Variants in MSRA observed in about 807,000 individuals in gnomAD.
The protein encoded by MSRA is mitochondrial peptide methionine sulfoxide reductase.
In MSRA, 54 loss-of-function variants were observed where a neutral mutation model predicts 31.3. That is an observed-to-expected ratio of 1.73 (90% confidence interval 1.39 to 2.17). The LOEUF (loss-of-function observed/expected upper bound fraction) is 2.17, where lower values mean the gene tolerates loss of function less well. MSRA is among the 30% of genes most tolerant of loss of function. MSRA has a pLI of 0.00. For synonymous variants in MSRA, 169 were observed against 116.5 expected, an observed-to-expected ratio of 1.45 and a Z score of -2.90; for missense variants, 507 against 300.9, an observed-to-expected ratio of 1.69 and a Z score of -5.07.
chr8:10,243,307 C>G (rs796182987), intron 2 of MSRA, among the ~76,000 whole-genome samples: 16 of 152,238 alleles, frequency 1.1e-4, no homozygotes, highest in Middle Eastern at 3.4e-3. Context: ...TCCTGGAGCT[C>G]TCGTGGTCAT....
Position 10,130,734 on chromosome 8 carries a change from A to G in MSRA, c.142+76076A>G, listed in dbSNP as rs1250423863. On this transcript the variant is annotated intron_variant, in intron 1 of 5. Transcript: ENST00000317173. The stretch of plus-strand genomic sequence containing the variant: ...TATTTCTCACAGTGCTTTTGAAGGC[A>G]TAGAAAGCAAATGACAATTCTGGCG... Among the ~76,000 whole-genome samples the G allele has an allele frequency of 3.3e-5, 5 of 152,234 alleles. No individual in the cohort carries two copies. In the East Asian group the frequency reaches 9.6e-4, roughly 29 times the overall value.
At chr8:10,080,448 G>T (rs1263491910) in intron 1 of MSRA, among the ~76,000 whole-genome samples, 1 of 152,026 alleles carries the variant, frequency 6.6e-6, no homozygotes, top group African/African-American at 2.4e-5. Flanking sequence ...AGGAGCCGAG[G>T]TTCTTTCCAC....
intron 2 of MSRA, among the ~76,000 whole-genome samples, chr8:10,229,168 C>T (rs1049687920): frequency 3.3e-5 from 5 of 152,320 alleles, no homozygotes; most frequent in African/African-American, 9.6e-5. Context: ...GACACACACT[C>T]ACCTGCCCTT....
At chr8:10,289,424 G>A (rs1216637593) in intron 3 of MSRA, among the ~76,000 whole-genome samples, 2 of 152,016 alleles carry the variant, frequency 1.3e-5, no homozygotes, top group Non-Finnish European at 1.5e-5. Context: ...TGGGGTACAT[G>A]AGCTGTTTTG....
chr8:10,282,350 A>G (rs930580319), intron 3 of MSRA, among the ~76,000 whole-genome samples: 7 of 152,226 alleles, frequency 4.6e-5, no homozygotes, highest in Admixed American at 1.3e-4. Context: ...TATTTTCATC[A>G]AGCTATTTTG....
intron 5 of MSRA, 76 bp downstream of exon 5, chr8:10,320,065 C>G: frequency 3.4e-6 from 3 of 875,236 alleles, no homozygotes; most frequent in Non-Finnish European, 5.3e-6. Context: ...AGAGGGCAGT[C>G]TGCTGCTTTT....
Position 10,192,627 on chromosome 8 carries a change from G to C in MSRA, c.143-15206G>C, listed in dbSNP as rs531712958. On this transcript the variant is annotated intron_variant, in intron 1 of 5. Transcript: ENST00000317173. The stretch of plus-strand genomic sequence containing the variant: ...AGATTTCTGTCTATAGTTAGTAGCT[G>C]AAAGGCTTAAGCAAGGATGGGAAAT... Among the ~76,000 whole-genome samples, 20 of 152,330 alleles carry C rather than the reference G, an allele frequency of 1.3e-4. No individual in the cohort carries two copies. The South Asian group carries it at 4.1e-3, about 32-fold the overall frequency.
intron 5 of MSRA, among the ~76,000 whole-genome samples, chr8:10,325,432 A>G (rs1478019181): frequency 6.6e-6 from 1 of 152,154 alleles, no homozygotes; most frequent in East Asian, 1.9e-4. Context: ...ATGCTAATCA[A>G]GCAGTTTTAA....
At chr8:10,250,839 T>A (rs1012743929) in intron 3 of MSRA, 10 of 210,648 alleles carry the variant, frequency 4.7e-5, no homozygotes, top group Middle Eastern at 1.6e-3. Context: ...GTTGGATTCT[T>A]ATATGTAATA....
intron 1 of MSRA, among the ~76,000 whole-genome samples, chr8:10,060,337 A>G (rs556961789): frequency 6.6e-6 from 1 of 152,238 alleles, no homozygotes; most frequent in African/African-American, 2.4e-5. Flanking sequence ...ATGTAGCATT[A>G]AGTGAAAAAA....
chr8:10,113,457 G>A (rs1202358175), intron 1 of MSRA, among the ~76,000 whole-genome samples: 1 of 151,634 alleles, frequency 6.6e-6, no homozygotes, highest in Non-Finnish European at 1.5e-5. Flanking sequence ...CCTGTAATGG[G>A]AGGGTAGGAG....
chr8:10,094,183 A>G (rs1799003199), intron 1 of MSRA, among the ~76,000 whole-genome samples: 1 of 152,220 alleles, frequency 6.6e-6, no homozygotes, highest in East Asian at 1.9e-4. Flanking sequence ...ATATCTCTGT[A>G]GCATTTTATT....
chr8:10,323,742 A>G (rs1384087882), intron 5 of MSRA, among the ~76,000 whole-genome samples: 1 of 60,500 alleles, frequency 1.7e-5, no homozygotes, highest in Non-Finnish European at 3.5e-5. Context: ...TGGGAATTAA[A>G]TACGTGTGTG....
At chr8:10,391,774 G>C (rs575329813) in intron 5 of MSRA, among the ~76,000 whole-genome samples, 24 of 152,174 alleles carry the variant, frequency 1.6e-4, no homozygotes, top group Non-Finnish European at 3.2e-4. Flanking sequence ...GTCCTTATTT[G>C]TTTGTGGCTT....
chr8:10,182,772 A>G lies in MSRA; in HGVS notation c.143-25061A>G, dbSNP rs568613729. Among the ~76,000 whole-genome samples, 8 of 152,226 alleles carry G rather than the reference A, an allele frequency of 5.3e-5. No homozygotes were observed. In the South Asian group the frequency reaches 1.5e-3, roughly 28 times the overall value. On this transcript the variant is annotated intron_variant, in intron 1 of 5. Coordinates refer to ENST00000317173, the MANE Select transcript of MSRA (RefSeq NM_012331.5). The stretch of plus-strand genomic sequence containing the variant: ...GTTTTTTGTCACATGGGCCTTTCCA[A>G]CATGGCAGCCTGCTTCATCAAAGCA...
intron 1 of MSRA, among the ~76,000 whole-genome samples, chr8:10,182,991 C>T (rs1243648823): frequency 2.0e-5 from 3 of 152,154 alleles, no homozygotes; most frequent in African/African-American, 7.2e-5. Flanking sequence ...ACTGTGTAGA[C>T]CAAGTCTTTA....
chr8:10,343,213 G>C (rs1803552872), intron 5 of MSRA, among the ~76,000 whole-genome samples: 1 of 148,672 alleles, frequency 6.7e-6, no homozygotes, highest in African/African-American at 2.6e-5. Flanking sequence ...GGCTTGCTCA[G>C]CAGCATCGCA....
At chr8:10,098,098 A>G (rs1371646680) in intron 1 of MSRA, among the ~76,000 whole-genome samples, 1 of 152,180 alleles carries the variant, frequency 6.6e-6, no homozygotes, top group East Asian at 1.9e-4. Context: ...TTTAGTTGTA[A>G]CATAATGCAT....
At chr8:10,236,575 C>G (rs1811961870) in intron 2 of MSRA, among the ~76,000 whole-genome samples, 1 of 152,188 alleles carries the variant, frequency 6.6e-6, no homozygotes, top group Non-Finnish European at 1.5e-5. Flanking sequence ...GATGGAGTCT[C>G]ACTCGCTCAC....
Sources: gnomAD v4.1 joint callset for allele counts (sites outside exome capture counted in the v4.1 genomes callset) on GRCh38, gnomAD v4.1.1 for gene constraint, MANE v1.5 for transcripts, NCBI Gene and HGNC (gene_info 2026-07-23, HGNC 2026-07-21) for gene names.